The following CDC25C variants were observed in gnomAD, a reference collection of about 807,000 sequenced individuals.
The protein encoded by CDC25C is M-phase inducer phosphatase 3.
In CDC25C, 48 loss-of-function variants were observed where a neutral mutation model predicts 52.5. That is an observed-to-expected ratio of 0.91 (90% CI 0.72 to 1.16). The LOEUF is 1.16. CDC25C is among the 50% of genes most tolerant of loss of function. CDC25C has a pLI of 0.00. For synonymous variants in CDC25C, 187 were observed against 206.5 expected (o/e 0.91, Z 0.81); for missense variants, 510 against 566.1 (o/e 0.90, Z 1.01).
At chr5:138,315,787 G>A (rs1322984530) in intron 7 of CDC25C, among the ~76,000 whole-genome samples, 1 of 152,228 alleles carries the variant, frequency 6.6e-6, no homozygotes, top group Non-Finnish European at 1.5e-5. Flanking sequence ...GCTCACACTT[G>A]TAATTCCAGC....
rs551219581 is a variant in CDC25C at position 138,315,998 on chromosome 5, T to G, written c.615+3221A>C. The stretch of plus-strand genomic sequence containing the variant: ...GCAGCTGTTAACCTGGGCCTCCTGT[T>G]CCACGGAGCAGGCAGAAGCCCTGCC... On this transcript the variant is annotated intron_variant, in intron 7 of 13. Coordinates refer to ENST00000323760, the MANE Select transcript of CDC25C (RefSeq NM_001790.5). 1.8e-4 allele frequency among the ~76,000 whole-genome samples: 27 copies of G among 152,328 alleles called. No individual in the cohort carries two copies. In the South Asian group the frequency reaches 5.0e-3, roughly 28 times the overall value.
chr5:138,285,382 G>C lies in CDC25C; in HGVS notation c.*310C>G, dbSNP rs1239821158. 1 of 296,286 alleles carries C rather than the reference G, an allele frequency of 3.4e-6. No individual in the cohort carries two copies. The highest frequency in any genetic ancestry group is 6.3e-6 in the Non-Finnish European group (1 of 159,912). The allele number at this position is 296,286 out of a possible 1,614,324, so 18.4% of individuals were successfully genotyped here. ...GCTCTTGCATAGCCCGAAGCCCAGA[G>C]AGAAAGAGTTGGCTGGCTTGTGAGA... is the stretch of plus-strand genomic sequence containing the variant. On this transcript the variant is annotated 3_prime_UTR_variant, in exon 14 of 14. Transcript: ENST00000323760.
chr5:138,323,883 G>A (rs1392466401), intron 6 of CDC25C, among the ~76,000 whole-genome samples: 1 of 151,348 alleles, frequency 6.6e-6, no homozygotes, highest in African/African-American at 2.4e-5. Flanking sequence ...TCTTGAACCC[G>A]GGAGGCAGAG....
chr5:138,305,498 C>T (rs1757941697), intron 7 of CDC25C, among the ~76,000 whole-genome samples: 1 of 152,146 alleles, frequency 6.6e-6, no homozygotes, highest in South Asian at 2.1e-4. Flanking sequence ...AACTGCTAGA[C>T]TCAAACAGTC....
Position 138,286,434 on chromosome 5 carries a change from G to C in CDC25C, c.1160+63C>G, listed in dbSNP as rs938359814. ...AATCCAGTCAGTCTCTGTCTGAACT[G>C]GTGTGGGAAGTCCAACTCAAAATCC... On this transcript the variant is annotated intron_variant, in intron 12 of 13. Transcript: ENST00000323760. 5.3e-6 allele frequency: 8 copies of C among 1,518,056 alleles called. No individual in the cohort carries two copies. The African/African-American group carries it at 1.1e-4, about 21-fold the overall frequency. 94.0% of individuals were successfully genotyped at this position (1,518,056 alleles called of 1,614,324 possible). A position where few individuals can be genotyped will look rare whatever the true frequency, so the allele number is the denominator to read the frequency against.
intron 7 of CDC25C, among the ~76,000 whole-genome samples, chr5:138,313,611 C>G (rs977078537): frequency 1.3e-5 from 2 of 152,012 alleles, no homozygotes; most frequent in African/African-American, 2.4e-5. Flanking sequence ...CTTTCTGATT[C>G]CTGGCTAATA....
chr5:138,311,256 T>C (rs1034230406), intron 7 of CDC25C, among the ~76,000 whole-genome samples: 2 of 152,068 alleles, frequency 1.3e-5, no homozygotes, highest in Non-Finnish European at 2.9e-5. Flanking sequence ...TCGAAATGAA[T>C]CAAAGACCTA....
At chr5:138,331,564 G>A in intron 1 of CDC25C, 31 bp downstream of exon 1, 1 of 1,048,922 alleles carries the variant, frequency 9.5e-7, no homozygotes, top group Non-Finnish European at 1.2e-6. Context: ...GGGTCTCCGT[G>A]ATTCCGTGGC....
intron 6 of CDC25C, 73 bp from the exon 7 acceptor site, chr5:138,319,447 T>C (rs1269847356): frequency 2.6e-6 from 3 of 1,154,666 alleles, no homozygotes; most frequent in African/African-American, 1.6e-5. Context: ...GCTAAAACTA[T>C]AAAACTCTTA....
At chr5:138,287,058 A>C (rs1035177373) in intron 11 of CDC25C, 111 bp downstream of exon 11, 1 of 693,950 alleles carries the variant, frequency 1.4e-6, no homozygotes, top group Admixed American at 2.6e-5. Context: ...TGCTTCAAAT[A>C]TGTAATCTTT....
At chr5:138,297,654 A>C (rs1757314575) in intron 7 of CDC25C, among the ~76,000 whole-genome samples, 2 of 152,166 alleles carry the variant, frequency 1.3e-5, no homozygotes, top group African/African-American at 4.8e-5. Flanking sequence ...AGAACTTCCA[A>C]ATTCACATTT....
At chr5:138,337,877 G>A in intron 1 of CDC25C, 5 of 1,047,870 alleles carry the variant, frequency 4.8e-6, no homozygotes, top group African/African-American at 3.3e-5. Flanking sequence ...GGCTAATTGC[G>A]TGACGCGGCC....
chr5:138,321,739 A>G (rs969469865), intron 6 of CDC25C, among the ~76,000 whole-genome samples: 151 of 130,242 alleles, frequency 1.2e-3, no homozygotes, highest in Non-Finnish European at 1.5e-3. Flanking sequence ...TGACAGAGCA[A>G]GACTCTGTCT....
chr5:138,286,417 C>G, intron 12 of CDC25C, 80 bp downstream of exon 12: 2 of 1,371,832 alleles, frequency 1.5e-6, no homozygotes, highest in South Asian at 2.8e-5. Context: ...AGAATCCAGT[C>G]AGTCTCTGTC....
intron 7 of CDC25C, among the ~76,000 whole-genome samples, chr5:138,313,356 C>T (rs1461788439): frequency 2.4e-5 from 3 of 125,924 alleles, no homozygotes; most frequent in Non-Finnish European, 3.1e-5. Context: ...CCAGCTTGGG[C>T]GACAGAGCAA....
exon 1 of CDC25C, chr5:138,338,177 C>A (rs1251107151): frequency 7.8e-7 from 1 of 1,289,194 alleles, no homozygotes; most frequent in East Asian, 5.5e-5. Context: ...GGGGATTCTG[C>A]GAGCCGGAGC....
In CDC25C at chr5:138,319,392, A is replaced by G; in HGVS notation, c.460-18T>C. ...CCATTGTCCTGTCAAGTATATTGAC[A>G]ACATTAAAAACTATTCAAAATATAT... On this transcript the variant is annotated intron_variant, in intron 6 of 13. Coordinates refer to ENST00000323760, the MANE Select transcript of CDC25C (RefSeq NM_001790.5). 4 of 1,576,838 alleles carry G rather than the reference A, an allele frequency of 2.5e-6. No homozygotes were observed. Among genetic ancestry groups the G allele is most frequent in the Non-Finnish European group, 3.5e-6 (4 of 1,159,020 alleles).
At chr5:138,290,867 A>G (rs1756649525) in intron 8 of CDC25C, 127 bp from the exon 9 acceptor site, 1 of 621,548 alleles carries the variant, frequency 1.6e-6, no homozygotes, top group Non-Finnish European at 2.9e-6. Context: ...AGGTAGGGAG[A>G]TCACTTGAGC....
Position 138,286,500 on chromosome 5 carries a change from C to CGG in CDC25C, c.1155_1156dup (p.Arg386ProfsTer14), listed in dbSNP as rs755748798. 5.6e-6 allele frequency: 9 copies of CGG among 1,610,106 alleles called. No homozygotes were observed. The East Asian group carries it at 2.0e-4, about 36-fold the overall frequency. On this transcript the variant is annotated frameshift_variant, in exon 12 of 14. Coordinates refer to ENST00000323760, the MANE Select transcript of CDC25C (RefSeq NM_001790.5). LOFTEE classifies it high-confidence loss of function. ...CAGACCCCATTTAGACACTCACATT[C>CGG]GGGGGCCCCTCTCTGAGGAGAATTC...
Sources: gnomAD v4.1 joint callset for allele counts (sites outside exome capture counted in the v4.1 genomes callset) on GRCh38, gnomAD v4.1.1 for gene constraint, MANE v1.5 for transcripts, NCBI Gene and HGNC (gene_info 2026-07-23, HGNC 2026-07-21) for gene names.